The following ERBB4 variants were observed in gnomAD, a reference collection of about 807,000 sequenced individuals.
ERBB4 encodes the protein erb-b2 receptor tyrosine kinase 4.
In ERBB4, 42 loss-of-function variants were observed where a neutral mutation model predicts 158.0. That is an observed-to-expected ratio of 0.27 (90% CI 0.21 to 0.34). ERBB4 has a LOEUF of 0.34. ERBB4 is among the 10% of genes least tolerant of loss of function. The probability of loss-of-function intolerance (pLI) is 1.00; values close to 1 mark genes in which losing one functional copy is unlikely to be tolerated. For synonymous variants in ERBB4, 583 were observed against 558.7 expected (o/e 1.04, Z -0.61); for missense variants, 1,333 against 1,624.1 (o/e 0.82, Z 3.08).
intron 20 of ERBB4, among the ~76,000 whole-genome samples, chr2:211,472,646 T>G (rs1440008256): frequency 1.3e-5 from 2 of 151,934 alleles, no homozygotes; most frequent in African/African-American, 2.4e-5. Context: ...AACTACATCC[T>G]TGGTTTTGTC....
chr2:211,899,647 T>A, intron 3 of ERBB4, among the ~76,000 whole-genome samples: 1 of 152,128 alleles, frequency 6.6e-6, no homozygotes, highest in East Asian at 1.9e-4. Context: ...TTATTGTGAT[T>A]TACAGGTTAT....
intron 1 of ERBB4, among the ~76,000 whole-genome samples, chr2:212,486,387 C>A (rs1689982464): frequency 6.6e-6 from 1 of 151,994 alleles, no homozygotes; most frequent in Non-Finnish European, 1.5e-5. Flanking sequence ...CAATATTTCT[C>A]AAATAAGGCG....
chr2:211,411,318 C>G (rs1199478631), intron 25 of ERBB4, among the ~76,000 whole-genome samples: 3 of 152,156 alleles, frequency 2.0e-5, no homozygotes, highest in Non-Finnish European at 4.4e-5. Context: ...AAAAAGGTCC[C>G]TTGATATTTT....
At chr2:211,879,038 C>T (rs897409033) in intron 3 of ERBB4, among the ~76,000 whole-genome samples, 10 of 152,066 alleles carry the variant, frequency 6.6e-5, no homozygotes, top group African/African-American at 2.4e-4. Context: ...ACATGAAAGG[C>T]ACACAGACAT....
At chr2:211,632,135 T>C (rs754097646) in intron 16 of ERBB4, among the ~76,000 whole-genome samples, 128 of 152,192 alleles carry the variant, frequency 8.4e-4, no homozygotes, top group Non-Finnish European at 1.3e-3. Context: ...CAAAGTACTA[T>C]AGTATACTGA....
intron 1 of ERBB4, among the ~76,000 whole-genome samples, chr2:212,208,885 C>CCTTT (rs1416983293): frequency 5.3e-5 from 8 of 152,146 alleles, no homozygotes; most frequent in African/African-American, 1.9e-4. Flanking sequence ...AGCTTAAGGA[C>CCTTT]CTTTATTCTT....
chr2:212,015,104 ATATATAT>A (rs2076495734), intron 2 of ERBB4, among the ~76,000 whole-genome samples: 3 of 84,412 alleles, frequency 3.6e-5, no homozygotes, highest in African/African-American at 1.6e-4. Flanking sequence ...ATATATATAT[ATATATAT>A]AAAAATTAGC....
chr2:212,183,755 T>C (rs1217677795), intron 1 of ERBB4, among the ~76,000 whole-genome samples: 1 of 152,066 alleles, frequency 6.6e-6, no homozygotes, highest in Admixed American at 6.6e-5. Flanking sequence ...TTAAAATTGT[T>C]TCAACAGGAA....
At chr2:211,791,697 G>A (rs1218794580) in intron 3 of ERBB4, among the ~76,000 whole-genome samples, 1 of 151,642 alleles carries the variant, frequency 6.6e-6, no homozygotes, top group African/African-American at 2.4e-5. Context: ...AATATTTCTG[G>A]CAAGTTCACA....
At chr2:212,161,113 G>C (rs903017734) in intron 1 of ERBB4, among the ~76,000 whole-genome samples, 2 of 151,932 alleles carry the variant, frequency 1.3e-5, no homozygotes, top group Non-Finnish European at 2.9e-5. Context: ...AAAGATGGAA[G>C]GCTGCTTAAA....
intron 21 of ERBB4, 86 bp downstream of exon 21, chr2:211,430,859 T>C: frequency 8.5e-7 from 1 of 1,172,932 alleles, no homozygotes; most frequent in South Asian, 1.2e-5. Flanking sequence ...AGCTTCAGGC[T>C]TATTGGTTTC....
intron 4 of ERBB4, among the ~76,000 whole-genome samples, chr2:211,784,198 A>G (rs2076103380): frequency 6.6e-6 from 1 of 152,224 alleles, no homozygotes. Context: ...ACAGATCTCC[A>G]GAACTTTTTC....
chr2:212,018,967 G>T (rs1271451003), intron 2 of ERBB4, among the ~76,000 whole-genome samples: 1 of 152,026 alleles, frequency 6.6e-6, no homozygotes, highest in African/African-American at 2.4e-5. Context: ...AAGTGAGGGG[G>T]AGCGGTGGTT....
intron 4 of ERBB4, among the ~76,000 whole-genome samples, chr2:211,781,794 CA>C (rs575322377): frequency 6.7e-6 from 1 of 149,120 alleles, no homozygotes; most frequent in South Asian, 2.1e-4. Flanking sequence ...AGCTCCTGGG[CA>C]AAAAAAAAGA....
chr2:212,214,014 C>T (rs1041418007), intron 1 of ERBB4, among the ~76,000 whole-genome samples: 2 of 151,868 alleles, frequency 1.3e-5, no homozygotes, highest in African/African-American at 4.8e-5. Context: ...GCTAGGACTA[C>T]AGTTGAGGTA....
intron 1 of ERBB4, among the ~76,000 whole-genome samples, chr2:212,303,339 C>A (rs538150142): frequency 2.8e-5 from 4 of 144,316 alleles, no homozygotes; most frequent in Admixed American, 2.1e-4. Context: ...TTTGATTATA[C>A]CCTCTGCTAG....
intron 2 of ERBB4, among the ~76,000 whole-genome samples, chr2:211,962,356 A>G (rs963544236): frequency 6.6e-6 from 1 of 152,190 alleles, no homozygotes; most frequent in Non-Finnish European, 1.5e-5. Flanking sequence ...TGAATATGTT[A>G]GTAAGAAACA....
At chr2:211,942,102 A>T (rs1323875609) in intron 3 of ERBB4, among the ~76,000 whole-genome samples, 1 of 152,106 alleles carries the variant, frequency 6.6e-6, no homozygotes, top group Non-Finnish European at 1.5e-5. Context: ...TATTGAGTCA[A>T]TGACAGGTGA....
intron 3 of ERBB4, among the ~76,000 whole-genome samples, chr2:211,875,184 C>T (rs2078467563): frequency 6.6e-6 from 1 of 151,524 alleles, no homozygotes; most frequent in African/African-American, 2.4e-5. Context: ...TGCAAATTCC[C>T]CTTGAGATAT....
Sources: allele counts gnomAD v4.1 joint callset (sites outside exome capture counted in the v4.1 genomes callset), GRCh38; gene constraint gnomAD v4.1.1; transcripts MANE v1.5; gene names NCBI Gene and HGNC (gene_info 2026-07-23, HGNC 2026-07-21).